The following MEGF10 variants were observed in gnomAD, a reference collection of about 807,000 sequenced individuals.
The protein encoded by MEGF10 is multiple epidermal growth factor-like domains protein 10.
Under a neutral mutation model 147.5 loss-of-function variants are expected in MEGF10, and 86 were observed. That is an observed-to-expected ratio of 0.58 (90% CI 0.49 to 0.70). MEGF10 has a LOEUF of 0.70. Ranked by LOEUF, MEGF10 falls within the 30% of genes least tolerant of loss-of-function variation. MEGF10 has a pLI of 0.00. For synonymous variants in MEGF10, 478 were observed against 525.5 expected (o/e 0.91, Z 1.24); for missense variants, 1,329 against 1,487.3 (o/e 0.89, Z 1.75).
At chr5:127,292,975 AT>A (rs1159813361) in intron 1 of MEGF10, among the ~76,000 whole-genome samples, 1 of 152,250 alleles carries the variant, frequency 6.6e-6, no homozygotes, top group African/African-American at 2.4e-5. Context: ...CACAATTTCC[AT>A]ACCTGTTAAA....
intron 1 of MEGF10, among the ~76,000 whole-genome samples, chr5:127,321,484 C>T (rs1580710025): frequency 1.3e-5 from 2 of 151,956 alleles, no homozygotes; most frequent in South Asian, 4.2e-4. Context: ...TTAATGGAAT[C>T]TGGATAGATT....
At chr5:127,265,605 C>T in the MEGF10 span, among the ~76,000 whole-genome samples, 9 of 152,124 alleles carry the variant, frequency 5.9e-5, no homozygotes, top group East Asian at 1.9e-4. Context: ...TTTTAATGAT[C>T]GCCATTCTAA....
intron 5 of MEGF10, among the ~76,000 whole-genome samples, chr5:127,386,573 G>T (rs1285720366): frequency 1.3e-5 from 2 of 152,162 alleles, no homozygotes; most frequent in Non-Finnish European, 2.9e-5. Context: ...GTAGTTCTGG[G>T]TTTCCTTGCA....
chr5:127,372,973 T>A (rs1762898076), intron 5 of MEGF10, among the ~76,000 whole-genome samples: 1 of 152,218 alleles, frequency 6.6e-6, no homozygotes, highest in Non-Finnish European at 1.5e-5. Flanking sequence ...GGAAGGAATA[T>A]CTGCCTATAT....
chr5:127,251,724 C>T, the MEGF10 span, among the ~76,000 whole-genome samples: 10 of 151,792 alleles, frequency 6.6e-5, no homozygotes, highest in Non-Finnish European at 1.5e-4. Flanking sequence ...AAAATATAAG[C>T]TTGGGGTAAA....
At chr5:127,338,017 C>A (rs1399110652) in intron 2 of MEGF10, among the ~76,000 whole-genome samples, 2 of 152,090 alleles carry the variant, frequency 1.3e-5, no homozygotes, top group Non-Finnish European at 2.9e-5. Flanking sequence ...AAGCCTGATA[C>A]ATAATGACTA....
rs375641534 is a variant in MEGF10 at position 127,324,344 on chromosome 5, G to A, written c.-18-6947G>A. Among the ~76,000 whole-genome samples the A allele has an allele frequency of 6.6e-5, 10 of 152,280 alleles. 1 individual carries two copies. The highest frequency in any genetic ancestry group is 4.6e-4 in the Admixed American group (7 of 15,290). On this transcript the variant is annotated intron_variant, in intron 1 of 24. Transcript: ENST00000503335. ...TCATCAAAGTTTGGAACAAGAAATA[G>A]TGTTTGAAGTTTCTTTCTCTAATAA...
At chr5:127,379,594 C>CTTTTTTTTT (rs36030791) in intron 5 of MEGF10, among the ~76,000 whole-genome samples, 1 of 90,380 alleles carries the variant, frequency 1.1e-5, no homozygotes, top group Admixed American at 1.4e-4. Flanking sequence ...TGGCCAGCTT[C>CTTTTTTTTT]TTTTTTTTTT....
At chr5:127,454,897 A>G (rs1468532480) in intron 23 of MEGF10, among the ~76,000 whole-genome samples, 1 of 152,138 alleles carries the variant, frequency 6.6e-6, no homozygotes, top group Non-Finnish European at 1.5e-5. Context: ...ACGGAAACAT[A>G]TAAAGGGAAA....
chr5:127,247,308 GAGAA>G, the MEGF10 span, among the ~76,000 whole-genome samples: 1 of 84,082 alleles, frequency 1.2e-5, no homozygotes, highest in Non-Finnish European at 2.4e-5. Flanking sequence ...GAGAGAGCGA[GAGAA>G]AGAGAGAGAA....
intron 5 of MEGF10, 106 bp from the exon 6 acceptor site, chr5:127,396,426 G>A: frequency 7.5e-7 from 1 of 1,329,580 alleles, no homozygotes; most frequent in African/African-American, 1.5e-5. Context: ...CTGATGTCCA[G>A]CTAATGAATG....
intron 4 of MEGF10, among the ~76,000 whole-genome samples, chr5:127,358,251 A>C (rs1008512365): frequency 6.6e-6 from 1 of 152,136 alleles, no homozygotes; most frequent in African/African-American, 2.4e-5. Flanking sequence ...AGGGCACCAG[A>C]GTTCTAGAGG....
At chr5:127,327,074 C>A (rs960220285) in intron 1 of MEGF10, among the ~76,000 whole-genome samples, 1 of 152,162 alleles carries the variant, frequency 6.6e-6, no homozygotes, top group Admixed American at 6.5e-5. Context: ...TTTACTGAGG[C>A]TTTTGTGGTA....
intron 1 of MEGF10, among the ~76,000 whole-genome samples, chr5:127,297,663 A>T (rs1759566067): frequency 6.6e-6 from 1 of 152,230 alleles, no homozygotes; most frequent in African/African-American, 2.4e-5. Flanking sequence ...AAACCATTCC[A>T]TAGTAGTGGT....
At chr5:127,409,398 C>T (rs1187694961) in intron 8 of MEGF10, among the ~76,000 whole-genome samples, 1 of 152,230 alleles carries the variant, frequency 6.6e-6, no homozygotes, top group Non-Finnish European at 1.5e-5. Context: ...GGGCAAAGCC[C>T]TGTCTCCTTC....
At chr5:127,391,306 C>T (rs1002953510) in intron 5 of MEGF10, among the ~76,000 whole-genome samples, 8 of 151,912 alleles carry the variant, frequency 5.3e-5, no homozygotes, top group African/African-American at 1.7e-4. Flanking sequence ...CTGGGTGCAG[C>T]AGCTCATTCC....
At chr5:127,237,381 A>C in the MEGF10 span, among the ~76,000 whole-genome samples, 1 of 152,168 alleles carries the variant, frequency 6.6e-6, no homozygotes, top group Non-Finnish European at 1.5e-5. Context: ...AATCCCAGCT[A>C]CTTGGGAGGC....
intron 5 of MEGF10, among the ~76,000 whole-genome samples, chr5:127,393,945 C>A (rs1763806751): frequency 6.6e-6 from 1 of 151,628 alleles, no homozygotes; most frequent in Non-Finnish European, 1.5e-5. Context: ...TCAGTTCTGT[C>A]CCCTCAGTTC....
At chr5:127,341,578 A>G (rs1242994948) in intron 4 of MEGF10, among the ~76,000 whole-genome samples, 1 of 152,102 alleles carries the variant, frequency 6.6e-6, no homozygotes, top group Non-Finnish European at 1.5e-5. Context: ...GGAATAGTAC[A>G]TATCTCGTCT....
Sources: gnomAD v4.1 joint callset for allele counts (sites outside exome capture counted in the v4.1 genomes callset) on GRCh38, gnomAD v4.1.1 for gene constraint, MANE v1.5 for transcripts, NCBI Gene and HGNC (gene_info 2026-07-23, HGNC 2026-07-21) for gene names.